The following OR4A15 variants were observed in gnomAD, a reference collection of about 807,000 sequenced individuals.
The protein encoded by OR4A15 is olfactory receptor family 4 subfamily A member 15.
For missense variants in OR4A15, 657 were observed against 374.7 expected (o/e 1.75, Z -6.22); for synonymous variants, 240 against 135.6 (o/e 1.77, Z -5.35).
chr11:55,368,478 C>T (rs1430360730), exon 1 of OR4A15: 8 of 1,610,382 alleles, frequency 5.0e-6, no homozygotes, highest in Non-Finnish European at 5.9e-6. Flanking sequence ...TTTCTGTGGA[C>T]CCAATGTCAT....
exon 1 of OR4A15, chr11:55,368,836 A>G (rs1263911043): frequency 2.5e-6 from 4 of 1,613,290 alleles, no homozygotes; most frequent in African/African-American, 1.3e-5. Flanking sequence ...TATACCCTGA[A>G]GAATGCAGAA....
exon 1 of OR4A15, chr11:55,368,825 C>G (rs780776212): frequency 1.9e-6 from 3 of 1,613,274 alleles, no homozygotes; most frequent in Non-Finnish European, 2.5e-6. Flanking sequence ...ACCCACTAAT[C>G]TATACCCTGA....
exon 1 of OR4A15, chr11:55,368,829 A>G (rs2119938815): frequency 6.2e-7 from 1 of 1,613,342 alleles, no homozygotes; most frequent in Non-Finnish European, 8.5e-7. Context: ...ACTAATCTAT[A>G]CCCTGAAGAA....
exon 1 of OR4A15, chr11:55,368,406 G>A (rs1446668296): frequency 1.2e-5 from 19 of 1,613,654 alleles, no homozygotes; most frequent in Non-Finnish European, 1.4e-5. Flanking sequence ...TATGCTGTTG[G>A]CGGCCTGGAT....
chr11:55,368,701 CTGTGGTCAT>C (rs1263017217), exon 1 of OR4A15: 1 of 1,613,556 alleles, frequency 6.2e-7, no homozygotes, highest in Non-Finnish European at 8.5e-7. Context: ...TCCCACGTCA[CTGTGGTCAT>C]TTTATTCTTT....
chr11:55,368,705 G>C (rs267602968), exon 1 of OR4A15: 5 of 1,613,464 alleles, frequency 3.1e-6, no homozygotes, highest in Non-Finnish European at 4.2e-6. Flanking sequence ...ACGTCACTGT[G>C]GTCATTTTAT....
chr11:55,368,316 G>A (rs1853880939), exon 1 of OR4A15: 3 of 1,613,540 alleles, frequency 1.9e-6, no homozygotes, highest in Non-Finnish European at 2.5e-6. Context: ...TCTTCTGGTG[G>A]TAATGGCCTA....
chr11:55,368,180 C>A, exon 1 of OR4A15: 1 of 1,613,226 alleles, frequency 6.2e-7, no homozygotes, highest in South Asian at 1.1e-5. Flanking sequence ...TCATAGATAC[C>A]GTCTATTCTA....
At chr11:55,368,276 G>A in exon 1 of OR4A15, 1 of 1,613,792 alleles carries the variant, frequency 6.2e-7, no homozygotes, top group Admixed American at 1.7e-5. Flanking sequence ...AACTTTTTAT[G>A]GATCATTTAT....
exon 1 of OR4A15, chr11:55,368,108 G>A (rs748005742): frequency 9.9e-6 from 16 of 1,612,814 alleles, no homozygotes; most frequent in Middle Eastern, 1.9e-4. Flanking sequence ...TTATCATAGT[G>A]ACCATCATGG....
chr11:55,368,239 C>T (rs147695110), exon 1 of OR4A15: 2 of 1,613,680 alleles, frequency 1.2e-6, no homozygotes, highest in Non-Finnish European at 1.7e-6. Context: ...GAGAAAAAGA[C>T]CATTTCCTTT....
At chr11:55,368,186 T>C (rs1590669455) in exon 1 of OR4A15, 3 of 1,613,518 alleles carry the variant, frequency 1.9e-6, no homozygotes, top group East Asian at 4.5e-5. Context: ...ATACCGTCTA[T>C]TCTACTGCAT....
chr11:55,368,647 C>A, exon 1 of OR4A15: 1 of 1,613,750 alleles, frequency 6.2e-7, no homozygotes, highest in South Asian at 1.1e-5. Context: ...TCTCTTAAGA[C>A]TCAGAGTTTG....
chr11:55,368,621 T>A lies in OR4A15; in HGVS notation c.648T>A (p.Tyr216Ter). 6.2e-7 allele frequency: 1 copy of A among 1,613,752 alleles called. No homozygotes were observed. Among genetic ancestry groups the A allele is most frequent in the South Asian group, 1.1e-5 (1 of 91,074 alleles). Residue 216 changes from tyrosine (Y) to a stop codon, truncating the protein, a stop_gained, in exon 1 of 1, where the codon TAT becomes TAA. Coordinates refer to ENST00000641526, the Ensembl canonical transcript of OR4A15. LOFTEE classifies it low-confidence loss of function (END_TRUNC). Reference sequence around the variant, plus strand: ...CCTTCTTCACTATCCTGCTTTCCTATGGGGTCATATTACACTCTCTTAAGA... The same window carrying A: ...CCTTCTTCACTATCCTGCTTTCCTAAGGGGTCATATTACACTCTCTTAAGA...
exon 1 of OR4A15, chr11:55,368,352 C>A: frequency 6.2e-7 from 1 of 1,612,926 alleles, no homozygotes; most frequent in Non-Finnish European, 8.5e-7. Context: ...CATCTGTAAG[C>A]CTCTTCATGA....
At chr11:55,368,487 A>G in exon 1 of OR4A15, 2 of 1,611,620 alleles carry the variant, frequency 1.2e-6, no homozygotes, top group Non-Finnish European at 8.5e-7. Flanking sequence ...ACCCAATGTC[A>G]TTGACAACTT....
At chr11:55,368,888 C>A in exon 1 of OR4A15, 1 of 1,606,662 alleles carries the variant, frequency 6.2e-7, no homozygotes, top group Non-Finnish European at 8.5e-7. Context: ...AAAAAGTAAG[C>A]TTAGCTGGGA....
chr11:55,368,769 G>A (rs779617584), exon 1 of OR4A15: 6 of 1,613,644 alleles, frequency 3.7e-6, no homozygotes, highest in Non-Finnish European at 5.1e-6. Context: ...TTTTCCCATT[G>A]ATAAATCCAT....
exon 1 of OR4A15, chr11:55,368,910 C>T: frequency 1.9e-6 from 3 of 1,586,162 alleles, no homozygotes; most frequent in Non-Finnish European, 2.6e-6. Context: ...ATGGCTGTAT[C>T]ACTCATGAGA....
Sources: allele counts gnomAD v4.1 joint callset, GRCh38; gene constraint gnomAD v4.1.1; transcripts MANE v1.5; gene names NCBI Gene and HGNC (gene_info 2026-07-23, HGNC 2026-07-21).